Variants in FSIP2 observed in about 807,000 individuals in gnomAD.
FSIP2 encodes fibrous sheath-interacting protein 2.
FSIP2 carries 367 observed loss-of-function variants against 510.5 expected under a neutral mutation model. The observed-to-expected ratio is 0.72, with a 90% confidence interval of 0.66 to 0.78. The LOEUF is 0.78. Among genes scored for constraint, FSIP2 ranks in the 30% least tolerant of loss-of-function variants. FSIP2 has a pLI of 0.00. For synonymous variants in FSIP2, 2,601 were observed against 2,732.2 expected (o/e 0.95, Z 1.50); for missense variants, 7,594 against 7,901.7 (o/e 0.96, Z 1.48).
chr2:185,815,297 G>C lies in FSIP2; in HGVS notation c.20326-74G>C, dbSNP rs1693806424. 6 of 722,806 alleles carry C rather than the reference G, an allele frequency of 8.3e-6. No homozygotes were observed. The East Asian group carries it at 1.6e-4, about 20-fold the overall frequency. 44.8% of individuals were successfully genotyped at this position (722,806 alleles called of 1,614,324 possible). The stretch of plus-strand genomic sequence containing the variant: ...TTTCCATTAAAATGTAGATTATACT[G>C]CAAAAAATGCCATAAGGTAAGAAAA... On this transcript the variant is annotated intron_variant, in intron 18 of 22. Transcript: ENST00000424728.
At chr2:185,798,663 G>C (rs770408619) in intron 16 of FSIP2, among the ~76,000 whole-genome samples, 3 of 151,784 alleles carry the variant, frequency 2.0e-5, no homozygotes, top group Non-Finnish European at 2.9e-5. Flanking sequence ...ATTCTCCCAA[G>C]ATGGACGGTA....
Position 185,800,820 on chromosome 2 carries a change from T to C in FSIP2, c.11514T>C (p.Ser3838=), listed in dbSNP as rs963100269. The C allele has an allele frequency of 6.5e-7, 1 of 1,534,320 alleles. No homozygotes were observed. Among genetic ancestry groups the C allele is most frequent in the African/African-American group, 1.4e-5 (1 of 72,898 alleles). The change falls in exon 17 of 23, where the codon TCT becomes TCC. Residue 3838 remains serine (S), a synonymous_variant. Coordinates refer to ENST00000424728, the MANE Select transcript of FSIP2 (RefSeq NM_173651.4). ...ATCAAGACTTATTGACATCAGACTC[T>C]ATGCTTACTATTATTTCCCACAGCT... ...EIDQDLLTSD[S]MLTIISHSLV...
At position 185,789,001 on chromosome 2, in the gene FSIP2, T is replaced by C; in HGVS notation, c.1865T>C (p.Ile622Thr). 6.5e-7 allele frequency: 1 copy of C among 1,534,266 alleles called. No homozygotes were observed. The highest frequency in any genetic ancestry group is 1.7e-4 in the Middle Eastern group (1 of 5,982). The change falls in exon 16 of 23, where the codon ATA becomes ACA. Residue 622 changes from isoleucine to threonine, a missense_variant. Ile to Thr is a moderately conservative substitution (Grantham distance 89). Coordinates refer to ENST00000424728, the MANE Select transcript of FSIP2 (RefSeq NM_173651.4). ...ACATGTCACATAAAAGGACAATCTA[T>C]AATCTCTAAACATAAATATAATAAA... Reference protein sequence around the residue: ...GKTCHIKGQSIISKHKYNKTN... With the variant: ...GKTCHIKGQSTISKHKYNKTN...
Position 185,803,279 on chromosome 2 carries a change from CTGAAGAACTCATACATTTGATT to C in FSIP2, c.13974_13995del (p.Glu4659GlnfsTer12). 6.5e-7 allele frequency: 1 copy of C among 1,526,782 alleles called. No individual in the cohort carries two copies. Among genetic ancestry groups the C allele is most frequent in the East Asian group, 2.5e-5 (1 of 40,790 alleles). The allele number at this position is 1,526,782 out of a possible 1,614,324, so 94.6% of individuals were successfully genotyped here. A position where few individuals can be genotyped will look rare whatever the true frequency, so the allele number is the denominator to read the frequency against. On this transcript the variant is annotated frameshift_variant, in exon 17 of 23. Coordinates refer to ENST00000424728, the MANE Select transcript of FSIP2 (RefSeq NM_173651.4). LOFTEE classifies it high-confidence loss of function. ...TCAGAAGATGAACTGTTTGAGAAAG[CTGAAGAACTCATACATTTGATT>C]ACAGGGGAATTCTCAAAAGCCCAAG... is the stretch of plus-strand genomic sequence containing the variant.
intron 13 of FSIP2, among the ~76,000 whole-genome samples, chr2:185,772,896 T>A (rs1692636323): frequency 6.6e-6 from 1 of 151,534 alleles, no homozygotes; most frequent in East Asian, 1.9e-4. Context: ...GATCTAGCTC[T>A]GTCACCCAGG....
At chr2:185,777,393 GT>G (rs10567134) in intron 13 of FSIP2, among the ~76,000 whole-genome samples, 53,404 of 122,338 alleles carry the variant, frequency 0.44, 9,175 homozygotes, top group South Asian at 0.53. Context: ...TATAATTGTA[GT>G]TTTTTTTTTT....
chr2:185,804,078 T>C lies in FSIP2; in HGVS notation c.14772T>C (p.Asp4924=). The C allele has an allele frequency of 6.5e-7, 1 of 1,526,764 alleles. No homozygotes were observed. Among genetic ancestry groups the C allele is most frequent in the Non-Finnish European group, 8.8e-7 (1 of 1,141,252 alleles). The allele number at this position is 1,526,764 out of a possible 1,614,324, so 94.6% of individuals were successfully genotyped here. Residue 4924 remains aspartate (D), a synonymous_variant, in exon 17 of 23, where the codon GAT becomes GAC. Transcript: ENST00000424728. ...EDKTLLLAAV[D]QTYKLKAIDP... is the part of the protein sequence containing the mutation. ...AAACTCTCCTTTTGGCAGCAGTTGATCAAACTTATAAATTGAAAGCAATAG... is the reference window on the plus strand; with the variant it reads ...AAACTCTCCTTTTGGCAGCAGTTGACCAAACTTATAAATTGAAAGCAATAG...
Position 185,795,756 on chromosome 2 carries a change from A to G in FSIP2, c.8620A>G (p.Lys2874Glu). Reference protein sequence around the residue: ...NVLTEISIKAKELEYSLSLLN... With the variant: ...NVLTEISIKAEELEYSLSLLN... ...TTTGACTGAAATTTCAATAAAAGCA[A>G]AAGAATTAGAATATTCTCTTTCACT... is the stretch of plus-strand genomic sequence containing the variant. Residue 2874 changes from lysine to glutamate, a missense_variant, in exon 16 of 23, where the codon AAA becomes GAA. Lys to Glu is a moderately conservative substitution (Grantham distance 56, BLOSUM62 1). Coordinates refer to ENST00000424728, the MANE Select transcript of FSIP2 (RefSeq NM_173651.4). 2.6e-6 allele frequency: 4 copies of G among 1,533,246 alleles called. No homozygotes were observed. Among genetic ancestry groups the G allele is most frequent in the African/African-American group, 1.4e-5 (1 of 72,976 alleles). 95.0% of individuals were successfully genotyped at this position (1,533,246 alleles called of 1,614,324 possible).
chr2:185,743,256 A>T lies in FSIP2; in HGVS notation c.349A>T (p.Arg117Ter), dbSNP rs908141340. 1 of 1,508,788 alleles carries T rather than the reference A, an allele frequency of 6.6e-7. No individual in the cohort carries two copies. Among genetic ancestry groups the T allele is most frequent in the African/African-American group, 1.4e-5 (1 of 71,068 alleles). The allele number at this position is 1,508,788 out of a possible 1,614,324, so 93.5% of individuals were successfully genotyped here. A position where few individuals can be genotyped will look rare whatever the true frequency, so the allele number is the denominator to read the frequency against. Residue 117 changes from arginine to a stop codon, truncating the protein, a stop_gained, in exon 3 of 23, where the codon AGA becomes TGA. Coordinates refer to ENST00000424728, the MANE Select transcript of FSIP2 (RefSeq NM_173651.4). LOFTEE classifies it high-confidence loss of function. The part of the protein sequence containing the change: ...AYYKRKDILK[R>*]LKKGGYITSN... The stretch of plus-strand genomic sequence containing the variant: ...CTATAAGCGCAAAGATATTTTGAAG[A>T]GATTAAAGAAAGGTGGCTACATCAC...
chr2:185,829,804 C>T (rs757237950), intron 21 of FSIP2, among the ~76,000 whole-genome samples: 3 of 151,908 alleles, frequency 2.0e-5, no homozygotes, highest in African/African-American at 2.4e-5. Flanking sequence ...AGAAACAGCA[C>T]ACACACAGAG....
chr2:185,795,434 T>A lies in FSIP2; in HGVS notation c.8298T>A (p.Asp2766Glu), dbSNP rs1203926447. Residue 2766 changes from aspartate to glutamate, a missense_variant, in exon 16 of 23, where the codon GAT becomes GAA. Coordinates refer to ENST00000424728, the MANE Select transcript of FSIP2 (RefSeq NM_173651.4). Reference sequence around the variant, plus strand: ...AGCAAACCAAAGCTTTACCATCTGATCAAATCATAGCAGCAGGTAAAATAG... The same window carrying A: ...AGCAAACCAAAGCTTTACCATCTGAACAAATCATAGCAGCAGGTAAAATAG... ...KVKQTKALPS[D>E]QIIAAGKIVN... The A allele has an allele frequency of 3.9e-6, 6 of 1,534,772 alleles. No homozygotes were observed. In the South Asian group the frequency reaches 5.9e-5, roughly 15 times the overall value.
In FSIP2 at chr2:185,805,284, T is replaced by A. The variant is rs780522107; in HGVS notation, c.15978T>A (p.Ser5326Arg). The A allele has an allele frequency of 1.3e-6, 2 of 1,594,248 alleles. No individual in the cohort carries two copies. Among genetic ancestry groups the A allele is most frequent in the East Asian group, 2.2e-5 (1 of 44,710 alleles). Residue 5326 changes from serine to arginine, a missense_variant, in exon 17 of 23, where the codon AGT becomes AGA. Physicochemically the swap from Ser to Arg is moderately radical, Grantham distance 110. Transcript: ENST00000424728. ...ANSLIREFKK[S>R]DIKVLPNAEK... ...CTCTGATAAGGGAATTTAAGAAAAG[T>A]GATATTAAAGTTTTACCAAATGCTG...
In FSIP2 at chr2:185,802,943, C is replaced by G; in HGVS notation, c.13637C>G (p.Ser4546Ter). Reference sequence around the variant, plus strand: ...GATGATATTCAGCACCTTGTTGATTCAGTATTTGCAAATGTTGTGCAAACC... The same window carrying G: ...GATGATATTCAGCACCTTGTTGATTGAGTATTTGCAAATGTTGTGCAAACC... ...SEDDIQHLVD[S>*]VFANVVQTSG... is the part of the protein sequence containing the mutation. Residue 4546 changes from serine (S) to a stop codon, truncating the protein, a stop_gained, in exon 17 of 23, where the codon TCA (serine) becomes TGA (stop). Coordinates refer to ENST00000424728, the MANE Select transcript of FSIP2 (RefSeq NM_173651.4). LOFTEE classifies it high-confidence loss of function. 6.6e-7 allele frequency: 1 copy of G among 1,518,922 alleles called. No homozygotes were observed. Among genetic ancestry groups the G allele is most frequent in the Non-Finnish European group, 8.8e-7 (1 of 1,140,432 alleles). 94.1% of individuals were successfully genotyped at this position (1,518,922 alleles called of 1,614,324 possible).
chr2:185,789,520 A>G lies in FSIP2; in HGVS notation c.2384A>G (p.Glu795Gly), dbSNP rs1693068233. The G allele has an allele frequency of 1.3e-6, 2 of 1,534,572 alleles. No homozygotes were observed. The highest frequency in any genetic ancestry group is 1.4e-5 in the African/African-American group (1 of 72,942). ...AAACCAAGTTTAGCAGCCAGTGATG[A>G]ACTTCTCACATCATCTAATGGAAAA... ...DIKPSLAASDELLTSSNGKPL... is the reference protein window; with the variant it reads ...DIKPSLAASDGLLTSSNGKPL... The change falls in exon 16 of 23, where the codon GAA (glutamate) becomes GGA (glycine). Residue 795 changes from glutamate (E) to glycine (G), a missense_variant. Glu to Gly is a moderately conservative substitution (Grantham distance 98). Transcript: ENST00000424728.
At chr2:185,830,858 T>G (rs954223751) in intron 21 of FSIP2, among the ~76,000 whole-genome samples, 14 of 151,842 alleles carry the variant, frequency 9.2e-5, no homozygotes, top group Non-Finnish European at 1.5e-4. Context: ...AAAATATACA[T>G]TAATGTCTGT....
intron 19 of FSIP2, among the ~76,000 whole-genome samples, chr2:185,823,908 G>T (rs2105682869): frequency 6.6e-6 from 1 of 151,760 alleles, no homozygotes; most frequent in Non-Finnish European, 1.5e-5. Flanking sequence ...CCTTAAAAAA[G>T]GAAGGATATT....
In FSIP2 at chr2:185,796,998, G is replaced by A. The variant is rs1479859492; in HGVS notation, c.9862G>A (p.Val3288Ile). ...SDSTEAALKQVLSFIEMGKGE... is the reference protein window; with the variant it reads ...SDSTEAALKQILSFIEMGKGE... ...CTCCACAGAAGCAGCATTAAAGCAAGTCTTGTCATTCATAGAAATGGGAAA... is the reference window on the plus strand; with the variant it reads ...CTCCACAGAAGCAGCATTAAAGCAAATCTTGTCATTCATAGAAATGGGAAA... Residue 3288 changes from valine (V) to isoleucine (I), a missense_variant, in exon 16 of 23, where the codon GTC (valine) becomes ATC (isoleucine). Physicochemically the swap from Val to Ile is conservative, Grantham distance 29. Coordinates refer to ENST00000424728, the MANE Select transcript of FSIP2 (RefSeq NM_173651.4). 6.5e-7 allele frequency: 1 copy of A among 1,535,036 alleles called. No individual in the cohort carries two copies. Among genetic ancestry groups the A allele is most frequent in the Non-Finnish European group, 8.7e-7 (1 of 1,146,274 alleles).
At chr2:185,766,471 G>GA (rs1193549453) in intron 13 of FSIP2, 1 of 147,650 alleles carries the variant, frequency 6.8e-6, no homozygotes, top group Non-Finnish European at 1.5e-5. Flanking sequence ...AAATTTACAA[G>GA]AAAAAAACAA....
intron 13 of FSIP2, among the ~76,000 whole-genome samples, chr2:185,767,653 ATCTGTCTG>A (rs769627920): frequency 2.6e-5 from 4 of 152,124 alleles, no homozygotes; most frequent in East Asian, 3.9e-4. Context: ...ATTGTATTAT[ATCTGTCTG>A]TCTGTCTGTC....
Sources: allele counts gnomAD v4.1 joint callset (sites outside exome capture counted in the v4.1 genomes callset), GRCh38; gene constraint gnomAD v4.1.1; transcripts MANE v1.5; gene names NCBI Gene and HGNC (gene_info 2026-07-23, HGNC 2026-07-21).